The following FGFR2 variants were observed in gnomAD, a reference collection of about 807,000 sequenced individuals.
FGFR2 encodes BEK fibroblast growth factor receptor.
FGFR2 carries 19 observed loss-of-function variants against 95.9 expected under a neutral mutation model. The ratio of observed to expected loss-of-function variants is 0.20; its 90% CI spans 0.14 to 0.29. The LOEUF (loss-of-function observed/expected upper bound fraction) is 0.29. Among genes scored for constraint, FGFR2 ranks in the 10% least tolerant of loss-of-function variants. FGFR2 has a pLI of 1.00. For missense variants in FGFR2, 707 were observed against 1,056.9 expected (o/e 0.67, Z 4.59); for synonymous variants, 392 against 393.3 (o/e 1.00, Z 0.04).
At chr10:121,558,377 AC>A (rs1157901454) in intron 4 of FGFR2, among the ~76,000 whole-genome samples, 1 of 152,244 alleles carries the variant, frequency 6.6e-6, no homozygotes, top group African/African-American at 2.4e-5. Context: ...GGCATATGTA[AC>A]AGCATTATTT....
At chr10:121,528,467 T>C (rs377608638) in intron 6 of FGFR2, among the ~76,000 whole-genome samples, 4 of 152,258 alleles carry the variant, frequency 2.6e-5, no homozygotes, top group African/African-American at 9.6e-5. Flanking sequence ...GTAAAAATGC[T>C]GGCAGGTTTC....
At chr10:121,500,660 AAT>A (rs2134000726) in intron 11 of FGFR2, among the ~76,000 whole-genome samples, 164 bp downstream of exon 11, 1 of 152,300 alleles carries the variant, frequency 6.6e-6, no homozygotes, top group East Asian at 1.9e-4. Flanking sequence ...GCTCAAGATA[AAT>A]AGTCTGTCCG....
In FGFR2 at chr10:121,479,902, T is replaced by G; in HGVS notation, c.2421A>C (p.Pro807=). ...TTATGTGTGGATACTGAGGAAGGCA[T>G]GGTTCGTAAGGCATGGGGTCTGGAG... ...VFSPDPMPYE[P]CLPQYPHING... Residue 807 remains proline, a synonymous_variant, in exon 18 of 18, where the codon CCA becomes CCC. Coordinates refer to ENST00000358487, the MANE Select transcript of FGFR2 (RefSeq NM_000141.5). 6.2e-7 allele frequency: 1 copy of G among 1,614,152 alleles called. No individual in the cohort carries two copies. Among genetic ancestry groups the G allele is most frequent in the Admixed American group, 1.7e-5 (1 of 60,016 alleles).
At position 121,565,425 on chromosome 10, in the gene FGFR2, C is replaced by T. The variant is rs766840059; in HGVS notation, c.376+13G>A. 15 of 1,613,730 alleles carry T rather than the reference C, an allele frequency of 9.3e-6. No homozygotes were observed. The highest frequency in any genetic ancestry group is 6.7e-5 in the African/African-American group (5 of 74,902). On this transcript the variant is annotated intron_variant, in intron 3 of 17. Coordinates refer to ENST00000358487, the MANE Select transcript of FGFR2 (RefSeq NM_000141.5). Reference sequence around the variant, plus strand: ...CAGAGAAGAGAGAGCATAGTGCTGGCGGGCCAACTCACCTGTGACATTCAC... The same window carrying T: ...CAGAGAAGAGAGAGCATAGTGCTGGTGGGCCAACTCACCTGTGACATTCAC...
chr10:121,534,288 G>A (rs1003144580), intron 6 of FGFR2, among the ~76,000 whole-genome samples: 14 of 151,928 alleles, frequency 9.2e-5, no homozygotes, highest in Admixed American at 2.0e-4. Flanking sequence ...TGGTAGAGAC[G>A]GGGTTTCACC....
intron 13 of FGFR2, 95 bp from the exon 14 acceptor site, chr10:121,488,208 A>C (rs1287735749): frequency 4.0e-5 from 61 of 1,542,772 alleles, no homozygotes; most frequent in Non-Finnish European, 5.2e-5. Context: ...CAGATAGAAA[A>C]TATAGCTGAT....
At chr10:121,591,884 A>G (rs1010793985) in intron 2 of FGFR2, among the ~76,000 whole-genome samples, 1 of 152,114 alleles carries the variant, frequency 6.6e-6, no homozygotes, top group African/African-American at 2.4e-5. Flanking sequence ...TTCTTACACA[A>G]AGACTCACTC....
intron 13 of FGFR2, among the ~76,000 whole-genome samples, chr10:121,496,194 A>G (rs1047134616): frequency 3.3e-5 from 5 of 152,116 alleles, no homozygotes; most frequent in South Asian, 2.1e-4. Flanking sequence ...AGAAAAAAAA[A>G]AAAGAAAGAA....
chr10:121,588,878 T>C (rs1590111342), intron 2 of FGFR2, among the ~76,000 whole-genome samples: 1 of 152,012 alleles, frequency 6.6e-6, no homozygotes, highest in African/African-American at 2.4e-5. Flanking sequence ...TGCACCATTG[T>C]ACTCCAGCCT....
At position 121,538,624 on chromosome 10, in the gene FGFR2, G is replaced by A. The variant is rs780846065; in HGVS notation, c.716C>T (p.Ser239Phe). Residue 239 changes from serine (S) to phenylalanine (F), a missense_variant, in exon 6 of 18, where the codon TCC (serine) becomes TTC (phenylalanine). This residue lies in a region of FGFR2 where 139 missense variants were observed against 278.1 expected (regional missense o/e 0.50). Transcript: ENST00000358487. ...YTCVVENEYG[S>F]INHTYHLDVV... ...ATCCAGGTGGTACGTGTGATTGATG[G>A]ACCCGTATTCATTCTCCACTACACA... 6.2e-7 allele frequency: 1 copy of A among 1,614,118 alleles called. No homozygotes were observed. Among genetic ancestry groups the A allele is most frequent in the Middle Eastern group, 1.6e-4 (1 of 6,062 alleles).
At chr10:121,573,666 A>G (rs1305649091) in intron 2 of FGFR2, among the ~76,000 whole-genome samples, 1 of 117,386 alleles carries the variant, frequency 8.5e-6, no homozygotes. Context: ...GGAAGGGGAG[A>G]GGAGAAAGAG....
chr10:121,502,360 G>C (rs1419933825), intron 10 of FGFR2, among the ~76,000 whole-genome samples: 1 of 152,192 alleles, frequency 6.6e-6, no homozygotes, highest in Non-Finnish European at 1.5e-5. Flanking sequence ...AACATGCCTT[G>C]AGTGAATGAA....
At chr10:121,482,004 A>G in intron 17 of FGFR2, 2 of 515,348 alleles carry the variant, frequency 3.9e-6, no homozygotes, top group Non-Finnish European at 7.0e-6. Flanking sequence ...CGCCCGGCTA[A>G]TTTTTTGTAT....
rs760067161 is a variant in FGFR2 at position 121,518,667 on chromosome 10, T to C, written c.940-1204A>G. The C allele has an allele frequency of 1.9e-6, 3 of 1,614,080 alleles. No individual in the cohort carries two copies. Among genetic ancestry groups the C allele is most frequent in the East Asian group, 2.2e-5 (1 of 44,884 alleles). On this transcript the variant is annotated intron_variant, in intron 7 of 17. Transcript: ENST00000358487. The surrounding 1 kb of genome is among the most constrained non-coding windows in gnomAD (Gnocchi z 4.0). ...CTTTCTTTTTAAAAAAAGACAAAAA[T>C]GAAAGCATTGTTACCTTGCTGTTTT...
chr10:121,492,133 G>A (rs1846220185), intron 13 of FGFR2, among the ~76,000 whole-genome samples: 3 of 152,096 alleles, frequency 2.0e-5, no homozygotes, highest in Non-Finnish European at 4.4e-5. Flanking sequence ...CCAAGATCAC[G>A]CCACTGCACT....
At chr10:121,502,794 G>A (rs141839646) in intron 10 of FGFR2, among the ~76,000 whole-genome samples, 2 of 152,110 alleles carry the variant, frequency 1.3e-5, no homozygotes, top group Non-Finnish European at 2.9e-5. Flanking sequence ...AAGCTGTGAC[G>A]ACAAAAAGTA....
intron 4 of FGFR2, among the ~76,000 whole-genome samples, chr10:121,551,710 T>C (rs1475366130): frequency 1.3e-5 from 2 of 152,112 alleles, no homozygotes; most frequent in African/African-American, 4.8e-5. Context: ...GCCCCTTCTC[T>C]CTCTTGTTCT....
intron 5 of FGFR2, among the ~76,000 whole-genome samples, chr10:121,538,946 T>C (rs1589908096): frequency 6.6e-6 from 1 of 152,196 alleles, no homozygotes; most frequent in East Asian, 1.9e-4. Context: ...GCAGGAGTAT[T>C]CGGCAGTGTA....
At chr10:121,573,846 G>A (rs866944446) in intron 2 of FGFR2, among the ~76,000 whole-genome samples, 1 of 152,060 alleles carries the variant, frequency 6.6e-6, no homozygotes, top group South Asian at 2.1e-4. Flanking sequence ...TTCGGTTCCC[G>A]GTGCCCTCCC....
Sources: allele counts gnomAD v4.1 joint callset (sites outside exome capture counted in the v4.1 genomes callset), GRCh38; gene constraint gnomAD v4.1.1; regional missense constraint gnomAD v4.1.1; non-coding constraint Gnocchi (gnomAD v3.1); transcripts MANE v1.5; gene names NCBI Gene and HGNC (gene_info 2026-07-23, HGNC 2026-07-21).